Variants in NBEAL1 observed in about 807,000 individuals in gnomAD.
NBEAL1 encodes neurobeachin like 1.
In NBEAL1, 273 loss-of-function variants were observed where a neutral mutation model predicts 351.3. The observed-to-expected ratio is 0.78, with a 90% CI of 0.70 to 0.86. The LOEUF (loss-of-function observed/expected upper bound fraction) is 0.86, where lower values mean the gene tolerates loss of function less well. NBEAL1 is among the 40% of genes least tolerant of loss of function. NBEAL1 has a pLI of 0.00. For missense variants in NBEAL1, 2,961 were observed against 3,201.3 expected (o/e 0.92, Z 1.81); for synonymous variants, 1,050 against 1,086.4 (o/e 0.97, Z 0.66).
At chr2:203,110,716 T>TAAATAAATAG (rs1387132496) in intron 15 of NBEAL1, among the ~76,000 whole-genome samples, 2 of 73,692 alleles carry the variant, frequency 2.7e-5, no homozygotes, top group East Asian at 4.6e-4. Flanking sequence ...TAAATAAATA[T>TAAATAAATAG]ATAGAACGTT....
Position 203,125,986 on chromosome 2 carries a change from G to A in NBEAL1, c.2878G>A (p.Ala960Thr). Residue 960 changes from alanine (A) to threonine (T), a missense_variant, in exon 21 of 56, where the codon GCA becomes ACA. By Grantham distance (58) the Ala-to-Thr change is moderately conservative. Coordinates refer to ENST00000683969, the MANE Select transcript of NBEAL1 (RefSeq NM_001378026.1). ...SESRLERNLV[A>T]TFILIVKHFI... ...GTCAAGACTAGAGAGAAACCTAGTT[G>A]CAACATTTATCTTAATTGTGAAACA... 6.5e-7 allele frequency: 1 copy of A among 1,537,814 alleles called. No homozygotes were observed. Among genetic ancestry groups the A allele is most frequent in the East Asian group, 2.5e-5 (1 of 40,432 alleles).
intron 7 of NBEAL1, among the ~76,000 whole-genome samples, chr2:203,076,861 G>C (rs902994112): frequency 6.6e-6 from 1 of 151,430 alleles, no homozygotes; most frequent in South Asian, 2.1e-4. Flanking sequence ...CAAAGTGCTG[G>C]GATTACAGGC....
intron 2 of NBEAL1, among the ~76,000 whole-genome samples, chr2:203,018,480 G>C (rs1446757714): frequency 6.6e-6 from 1 of 152,042 alleles, no homozygotes; most frequent in African/African-American, 2.4e-5. Context: ...CATTTGTTGA[G>C]TAAGCATGTG....
Position 203,180,312 on chromosome 2 carries a change from A to G in NBEAL1, c.6465-70A>G, listed in dbSNP as rs180774966. The G allele has an allele frequency of 7.5e-6, 11 of 1,460,916 alleles. No individual in the cohort carries two copies. In the East Asian group the frequency reaches 2.3e-4, roughly 31 times the overall value. The allele number at this position is 1,460,916 out of a possible 1,614,324, so 90.5% of individuals were successfully genotyped here. On this transcript the variant is annotated intron_variant, in intron 42 of 55. Transcript: ENST00000683969. ...TCATTAGGAACCCTGAAGGGAGTTT[A>G]AAAGTTTTGTTTCATGTCTTGTTGT...
chr2:203,134,359 C>T (rs901416255), intron 27 of NBEAL1, among the ~76,000 whole-genome samples: 1 of 152,082 alleles, frequency 6.6e-6, no homozygotes, highest in East Asian at 1.9e-4. Flanking sequence ...CCAAGTAAAG[C>T]TTAATCTGGA....
intron 34 of NBEAL1, 109 bp from the exon 35 acceptor site, chr2:203,151,356 G>T (rs556236887): frequency 2.7e-6 from 2 of 730,058 alleles, no homozygotes; most frequent in South Asian, 4.7e-5. Context: ...AAAATAAAAT[G>T]GTACTAAACA....
At position 203,016,269 on chromosome 2, in the gene NBEAL1, T is replaced by C. The variant is rs2351524; in HGVS notation, c.-116T>C. The stretch of plus-strand genomic sequence containing the variant: ...ATTTGTTTCACTTCTTTTTGCTTTC[T>C]TTACTGCTATGAGCTTTACTGAACG... On this transcript the variant is annotated 5_prime_UTR_variant, in exon 2 of 56. Coordinates refer to ENST00000683969, the MANE Select transcript of NBEAL1 (RefSeq NM_001378026.1). 0.89 allele frequency: 541,306 copies of C among 606,564 alleles called. 241,983 individuals carry two copies. The highest frequency in any genetic ancestry group is 0.99 in the East Asian group (31,107 of 31,428). 37.6% of individuals were successfully genotyped at this position (606,564 alleles called of 1,614,324 possible). A position where few individuals can be genotyped will look rare whatever the true frequency, so the allele number is the denominator to read the frequency against.
intron 40 of NBEAL1, 66 bp downstream of exon 40, chr2:203,172,089 T>C (rs1466573045): frequency 1.5e-5 from 11 of 712,314 alleles, no homozygotes; most frequent in African/African-American, 3.7e-5. Flanking sequence ...CATAAGTATA[T>C]ACATGATACT....
At chr2:203,039,987 T>C (rs2106040967) in intron 2 of NBEAL1, 1 of 547,488 alleles carries the variant, frequency 1.8e-6, no homozygotes, top group East Asian at 3.1e-5. Context: ...TAAGGTAAGG[T>C]AAAGGGGTGG....
chr2:203,094,686 A>G (rs765182473), intron 10 of NBEAL1, among the ~76,000 whole-genome samples: 83 of 152,184 alleles, frequency 5.5e-4, no homozygotes, highest in Non-Finnish European at 1.0e-3. Flanking sequence ...AGTACTTTAC[A>G]ATTCCATGGA....
chr2:203,133,721 A>ATG (rs577417013), intron 27 of NBEAL1, among the ~76,000 whole-genome samples: 18 of 150,598 alleles, frequency 1.2e-4, no homozygotes, highest in East Asian at 1.2e-3. Context: ...ATATATATAT[A>ATG]TGTGTGTGTG....
At chr2:203,177,196 A>G (rs987627626) in intron 42 of NBEAL1, among the ~76,000 whole-genome samples, 1 of 151,600 alleles carries the variant, frequency 6.6e-6, no homozygotes, top group African/African-American at 2.4e-5. Flanking sequence ...AATGAAAACT[A>G]TACCTGATAA....
chr2:203,073,571 T>C (rs1184998420), intron 7 of NBEAL1, among the ~76,000 whole-genome samples: 15 of 152,150 alleles, frequency 9.9e-5, no homozygotes, highest in Admixed American at 5.9e-4. Flanking sequence ...AGCCCAGGGG[T>C]TCGGGGCTAT....
chr2:203,197,518 C>A, intron 48 of NBEAL1, 127 bp downstream of exon 48: 1 of 566,168 alleles, frequency 1.8e-6, no homozygotes, highest in East Asian at 3.0e-5. Flanking sequence ...CCTGTAATCC[C>A]AGCGCTTTGG....
chr2:203,120,418 A>C (rs2062803231), intron 18 of NBEAL1, among the ~76,000 whole-genome samples: 1 of 152,236 alleles, frequency 6.6e-6, no homozygotes, highest in East Asian at 1.9e-4. Flanking sequence ...GTACAAATTA[A>C]TAGTGAGGGT....
At chr2:203,206,047 G>C (rs1052803672) in intron 51 of NBEAL1, among the ~76,000 whole-genome samples, 1 of 152,142 alleles carries the variant, frequency 6.6e-6, no homozygotes, top group Non-Finnish European at 1.5e-5. Context: ...GACAAAGCAC[G>C]CTAAAGACAT....
At chr2:203,166,116 A>T in intron 36 of NBEAL1, 33 bp from the exon 37 acceptor site, 1 of 1,509,686 alleles carries the variant, frequency 6.6e-7, no homozygotes, top group Non-Finnish European at 8.8e-7. Flanking sequence ...AAATGGTTGA[A>T]TTTTTCTGTT....
intron 44 of NBEAL1, 47 bp from the exon 45 acceptor site, chr2:203,188,425 G>A: frequency 9.8e-7 from 1 of 1,016,742 alleles, no homozygotes. Flanking sequence ...TTACAATGTA[G>A]TTGGAAGATA....
At chr2:203,198,535 C>T (rs2065301061) in intron 48 of NBEAL1, among the ~76,000 whole-genome samples, 1 of 152,008 alleles carries the variant, frequency 6.6e-6, no homozygotes, top group South Asian at 2.1e-4. Flanking sequence ...TGCTAATAAA[C>T]TTTGAGAAAT....
Sources: gnomAD v4.1 joint callset for allele counts (sites outside exome capture counted in the v4.1 genomes callset) on GRCh38, gnomAD v4.1.1 for gene constraint, MANE v1.5 for transcripts, NCBI Gene and HGNC (gene_info 2026-07-23, HGNC 2026-07-21) for gene names.